TTC6: variants seen among roughly 807,000 people sequenced by gnomAD.
The protein encoded by TTC6 is tetratricopeptide repeat protein 6.
TTC6 carries 172 observed loss-of-function variants against 210.4 expected under a neutral mutation model. The observed-to-expected ratio is 0.82, with a 90% CI of 0.72 to 0.93. TTC6 has a LOEUF of 0.93. TTC6 is among the 40% of genes least tolerant of loss of function. The pLI is 0.00. For missense variants in TTC6, 2,414 were observed against 2,318.1 expected (o/e 1.04, Z -0.85); for synonymous variants, 804 against 819.6 (o/e 0.98, Z 0.32).
At chr14:37,640,671 T>C (rs1882188706) in intron 1 of TTC6, among the ~76,000 whole-genome samples, 1 of 152,162 alleles carries the variant, frequency 6.6e-6, no homozygotes, top group Non-Finnish European at 1.5e-5. Flanking sequence ...GCCTCCCAAG[T>C]AGCTGGGATT....
intron 2 of TTC6, among the ~76,000 whole-genome samples, chr14:37,609,101 T>C (rs1047810340): frequency 2.0e-5 from 3 of 152,142 alleles, no homozygotes; most frequent in Admixed American, 1.3e-4. Context: ...ACTTTTTCTG[T>C]CTCCCACTCT....
At chr14:37,734,360 A>G (rs1455822744) in intron 7 of TTC6, among the ~76,000 whole-genome samples, 1 of 152,100 alleles carries the variant, frequency 6.6e-6, no homozygotes, top group African/African-American at 2.4e-5. Context: ...ATTTTTTGTC[A>G]CCCTTGCCCC....
intron 9 of TTC6, 38 bp downstream of exon 11, chr14:37,737,772 C>A (rs1049007978): frequency 5.4e-6 from 6 of 1,110,854 alleles, no homozygotes; most frequent in African/African-American, 1.6e-5. Context: ...CTAAAAGAAA[C>A]ATTTATATTC....
chr14:37,674,714 C>T (rs2095765179), intron 1 of TTC6, among the ~76,000 whole-genome samples: 1 of 152,102 alleles, frequency 6.6e-6, no homozygotes, highest in African/African-American at 2.4e-5. Context: ...TTACATTTGA[C>T]TTATAAATTA....
chr14:37,772,938 C>G (rs1347257438), intron 14 of TTC6, among the ~76,000 whole-genome samples: 3 of 152,148 alleles, frequency 2.0e-5, no homozygotes, highest in African/African-American at 7.2e-5. Flanking sequence ...TTAATAATAG[C>G]CATTCTGACT....
At chr14:37,682,675 CAGAT>C (rs1253412872) in intron 2 of TTC6, 79 bp from the exon 5 acceptor site, 9 of 1,150,850 alleles carry the variant, frequency 7.8e-6, no homozygotes, top group African/African-American at 1.6e-5. Flanking sequence ...TTCATCTTGT[CAGAT>C]AGAAACTGTT....
At chr14:37,827,226 C>T (rs777416323) in exon 29 of TTC6, 11 of 1,612,494 alleles carry the variant, frequency 6.8e-6, no homozygotes, top group African/African-American at 2.7e-5. Context: ...CTTAACAAAT[C>T]GTGGGGTGAT....
In TTC6 at chr14:37,738,796, CTT is replaced by C. The variant is rs1467911485; in HGVS notation, c.2005_2006del (p.Leu669GlufsTer14). 5.3e-6 allele frequency: 8 copies of C among 1,508,422 alleles called. No individual in the cohort carries two copies. Among genetic ancestry groups the C allele is most frequent in the Non-Finnish European group, 7.0e-6 (8 of 1,136,178 alleles). 93.4% of individuals were successfully genotyped at this position (1,508,422 alleles called of 1,614,324 possible). The stretch of plus-strand genomic sequence containing the variant: ...CTAAGCGAGTAAAATCTTCTGTAGA[CTT>C]GAGGAAGGAGAAGATCATAGCTCCT... On this transcript the variant is annotated frameshift_variant, in exon 10 of 31. Coordinates refer to ENST00000553443, the Ensembl canonical transcript of TTC6. LOFTEE classifies it high-confidence loss of function.
At chr14:37,693,102 A>C (rs987195164) in intron 3 of TTC6, among the ~76,000 whole-genome samples, 2 of 152,126 alleles carry the variant, frequency 1.3e-5, no homozygotes, top group African/African-American at 2.4e-5. Context: ...GGAAGAAGTC[A>C]AATTATTCTT....
chr14:37,636,760 A>AT (rs1272105174), intron 1 of TTC6, among the ~76,000 whole-genome samples: 1 of 152,274 alleles, frequency 6.6e-6, no homozygotes, highest in African/African-American at 2.4e-5. Context: ...AATTACATTT[A>AT]AAGCCATTTG....
chr14:37,683,641 GTTAATC>G (rs766831953), intron 3 of TTC6, among the ~76,000 whole-genome samples: 39 of 152,156 alleles, frequency 2.6e-4, no homozygotes, highest in Non-Finnish European at 5.1e-4. Flanking sequence ...AGTTATGGTT[GTTAATC>G]TTATACTGTG....
At chr14:37,765,807 G>T (rs2095997488) in intron 14 of TTC6, among the ~76,000 whole-genome samples, 3 of 151,886 alleles carry the variant, frequency 2.0e-5, no homozygotes, top group African/African-American at 4.8e-5. Flanking sequence ...AGGCTAGTTT[G>T]CCAGGTATAG....
chr14:37,622,875 C>G (rs879790353), exon 1 of TTC6: 122 of 1,534,904 alleles, frequency 7.9e-5, no homozygotes, highest in Non-Finnish European at 9.4e-5. Flanking sequence ...GCTGCCCTCC[C>G]GCGTGATCCC....
chr14:37,664,532 C>T (rs568573981), intron 1 of TTC6, among the ~76,000 whole-genome samples: 25 of 150,504 alleles, frequency 1.7e-4, no homozygotes, highest in African/African-American at 6.0e-4. Context: ...AATGTAAAAC[C>T]CCAAACTACA....
chr14:37,698,049 C>A (rs955363631), intron 4 of TTC6, among the ~76,000 whole-genome samples: 1 of 151,846 alleles, frequency 6.6e-6, no homozygotes, highest in Non-Finnish European at 1.5e-5. Context: ...ATATATATTA[C>A]TGCTTTAATT....
chr14:37,599,195 A>G (rs956573158), intron 1 of TTC6, among the ~76,000 whole-genome samples: 1 of 152,182 alleles, frequency 6.6e-6, no homozygotes, highest in African/African-American at 2.4e-5. Flanking sequence ...AGAGAGAAGT[A>G]TGGGCCTGGC....
rs1172650375 is a variant in TTC6 at position 37,769,121 on chromosome 14, T to G, written c.3266+15886T>G. 7.3e-5 allele frequency among the ~76,000 whole-genome samples: 11 copies of G among 151,366 alleles called. No homozygotes were observed. In the South Asian group the frequency reaches 2.3e-3, roughly 32 times the overall value. On this transcript the variant is annotated intron_variant, in intron 14 of 30. Transcript: ENST00000553443. ...GATTACATTTATTGATTTGCGTATATTGAACCAGCCTTGCATCCCAGGGAT... is the reference window on the plus strand; with the variant it reads ...GATTACATTTATTGATTTGCGTATAGTGAACCAGCCTTGCATCCCAGGGAT...
intron 26 of TTC6, among the ~76,000 whole-genome samples, chr14:37,819,574 T>A (rs557028019): frequency 6.6e-6 from 1 of 152,322 alleles, no homozygotes; most frequent in Non-Finnish European, 1.5e-5. Context: ...TATGGTAGAA[T>A]TAATTTTTAG....
chr14:37,684,332 A>G (rs989826370), intron 3 of TTC6, among the ~76,000 whole-genome samples: 1 of 152,250 alleles, frequency 6.6e-6, no homozygotes. Flanking sequence ...TCTTCCATGA[A>G]TAACAGGTAA....
Sources: allele counts gnomAD v4.1 joint callset (sites outside exome capture counted in the v4.1 genomes callset), GRCh38; gene constraint gnomAD v4.1.1; transcripts MANE v1.5; gene names NCBI Gene and HGNC (gene_info 2026-07-23, HGNC 2026-07-21).